The following SERPINI1 variants were observed in gnomAD, a reference collection of about 807,000 sequenced individuals.
SERPINI1 encodes serpin family I member 1, also known as neuroserpin.
In SERPINI1, 19 loss-of-function variants were observed where a neutral mutation model predicts 41.1. The ratio of observed to expected loss-of-function variants is 0.46; its 90% CI spans 0.32 to 0.68. The LOEUF is 0.68. Ranked by LOEUF, SERPINI1 falls within the 30% of genes least tolerant of loss-of-function variation. The pLI is 0.03. For synonymous variants in SERPINI1, 138 were observed against 156.6 expected (o/e 0.88, Z 0.89); for missense variants, 460 against 479.2 (o/e 0.96, Z 0.37).
At chr3:167,761,525 A>G (rs1385055603) in intron 1 of SERPINI1, among the ~76,000 whole-genome samples, 1 of 152,204 alleles carries the variant, frequency 6.6e-6, no homozygotes, top group Admixed American at 6.5e-5. Context: ...CCCACCCTCC[A>G]ACCATTGTAT....
chr3:167,815,681 T>A (rs1712056626), intron 6 of SERPINI1, among the ~76,000 whole-genome samples: 1 of 152,158 alleles, frequency 6.6e-6, no homozygotes, highest in Non-Finnish European at 1.5e-5. Flanking sequence ...TGAGCCACTA[T>A]GCCCGGCCTT....
chr3:167,752,175 T>C (rs2420036), intron 1 of SERPINI1, among the ~76,000 whole-genome samples: 32,244 of 152,010 alleles, frequency 0.21, 3,586 homozygotes, highest in African/African-American at 0.25. Context: ...GCACCTCTTC[T>C]CCACACTCCC....
chr3:167,774,625 C>T (rs975129868), intron 1 of SERPINI1, among the ~76,000 whole-genome samples: 2 of 152,156 alleles, frequency 1.3e-5, no homozygotes, highest in African/African-American at 4.8e-5. Context: ...GCTCCACCTC[C>T]TGTCAGACCA....
At position 167,794,781 on chromosome 3, in the gene SERPINI1, G is replaced by T. The variant is rs55872908; in HGVS notation, c.838G>T (p.Ala280Ser). 1.7e-5 allele frequency: 27 copies of T among 1,613,558 alleles called. No homozygotes were observed. The highest frequency in any genetic ancestry group is 2.3e-5 in the Non-Finnish European group (27 of 1,179,796). ...LVKAQLVEEWANSVKKQKVEV... is the reference protein window; with the variant it reads ...LVKAQLVEEWSNSVKKQKVEV... ...CAAAGCACAGCTGGTTGAAGAATGG[G>T]CAAACTCTGTGAAGAAGCAAAAAGT... The change falls in exon 5 of 9, where the codon GCA becomes TCA. Residue 280 changes from alanine (A) to serine (S), a missense_variant. By Grantham distance (99) the Ala-to-Ser change is moderately conservative. Transcript: ENST00000446050.
In SERPINI1 at chr3:167,778,546, A is replaced by G. The variant is rs529744593; in HGVS notation, c.-18-10565A>G. On this transcript the variant is annotated intron_variant, in intron 1 of 8. Coordinates refer to ENST00000446050, the MANE Select transcript of SERPINI1 (RefSeq NM_001122752.2). Reference sequence around the variant, plus strand: ...CCAGTTGGGTCCGTTCGTTTGTGTGAATCACTGATCTGGGTGGCATCAGTT... The same window carrying G: ...CCAGTTGGGTCCGTTCGTTTGTGTGGATCACTGATCTGGGTGGCATCAGTT... 7.2e-5 allele frequency among the ~76,000 whole-genome samples: 11 copies of G among 152,336 alleles called. No individual in the cohort carries two copies. The South Asian group carries it at 2.3e-3, about 32-fold the overall frequency.
At chr3:167,742,488 C>G (rs1725711321) in intron 1 of SERPINI1, among the ~76,000 whole-genome samples, 1 of 152,182 alleles carries the variant, frequency 6.6e-6, no homozygotes, top group East Asian at 1.9e-4. Context: ...CTCTGTTGAT[C>G]CAGATATCAC....
chr3:167,778,841 G>T (rs946356961), intron 1 of SERPINI1, among the ~76,000 whole-genome samples: 1 of 152,212 alleles, frequency 6.6e-6, no homozygotes, highest in African/African-American at 2.4e-5. Context: ...TTGCTTTAAA[G>T]TTAAGCCATA....
chr3:167,749,697 T>C (rs1335386602), intron 1 of SERPINI1, among the ~76,000 whole-genome samples: 3 of 152,216 alleles, frequency 2.0e-5, no homozygotes, highest in African/African-American at 4.8e-5. Flanking sequence ...GCCAAATTCC[T>C]TGCTGTGAAA....
chr3:167,746,105 G>A (rs1032761798), intron 1 of SERPINI1, among the ~76,000 whole-genome samples: 1 of 152,092 alleles, frequency 6.6e-6, no homozygotes, highest in East Asian at 1.9e-4. Context: ...TGTGTCAGTG[G>A]AACAGAATTC....
At position 167,748,752 on chromosome 3, in the gene SERPINI1, CTGTGTGTGTGTGTGTG is replaced by C. The variant is rs34438429; in HGVS notation, c.-19+12955_-19+12970del. 1.1e-3 allele frequency among the ~76,000 whole-genome samples: 154 copies of C among 143,636 alleles called. 1 individual carries two copies. The highest frequency in any genetic ancestry group is 3.5e-3 in the Middle Eastern group (1 of 284). The allele number at this position is 143,636 out of a possible 152,430, so 94.2% of individuals were successfully genotyped here. A position where few individuals can be genotyped will look rare whatever the true frequency, so the allele number is the denominator to read the frequency against. On this transcript the variant is annotated intron_variant, in intron 1 of 8. Coordinates refer to ENST00000446050, the MANE Select transcript of SERPINI1 (RefSeq NM_001122752.2). ...CACAGGTAAGACAGAGTGTGTTACT[CTGTGTGTGTGTGTGTG>C]TGTGTGTGTGTGTGTGTGTGTGTGT...
Position 167,823,280 on chromosome 3 carries a change from C to T in SERPINI1, c.1066+208C>T, listed in dbSNP as rs115107846. Among the ~76,000 whole-genome samples, 331 of 152,294 alleles carry T rather than the reference C, an allele frequency of 2.2e-3. 1 individual carries two copies. The highest frequency in any genetic ancestry group is 7.5e-3 in the African/African-American group (310 of 41,558). On this transcript the variant is annotated intron_variant, in intron 7 of 8. Transcript: ENST00000446050. The stretch of plus-strand genomic sequence containing the variant: ...GTGCCCCTTTACAGATAACTCTCAT[C>T]TTCATTTTCTCTCTAATGAGAGACA...
At chr3:167,770,915 A>G (rs951179100) in intron 1 of SERPINI1, among the ~76,000 whole-genome samples, 2 of 152,194 alleles carry the variant, frequency 1.3e-5, no homozygotes, top group African/African-American at 4.8e-5. Flanking sequence ...TTGCTGATGT[A>G]CCCTCATGGT....
intron 5 of SERPINI1, among the ~76,000 whole-genome samples, chr3:167,796,069 TTAA>T (rs1179428269): frequency 6.6e-6 from 1 of 152,136 alleles, no homozygotes; most frequent in Non-Finnish European, 1.5e-5. Flanking sequence ...AGATGAATTA[TTAA>T]TAACTGATTA....
intron 6 of SERPINI1, among the ~76,000 whole-genome samples, chr3:167,808,924 T>A (rs1711759923): frequency 6.6e-6 from 1 of 152,186 alleles, no homozygotes; most frequent in Non-Finnish European, 1.5e-5. Context: ...AACGTGTTGT[T>A]TTCTAAACAG....
intron 6 of SERPINI1, among the ~76,000 whole-genome samples, chr3:167,817,929 G>A (rs1486634635): frequency 6.6e-6 from 1 of 151,972 alleles, no homozygotes; most frequent in Non-Finnish European, 1.5e-5. Context: ...TTCTATAAAA[G>A]AGTCTAGCTC....
At chr3:167,779,284 C>T (rs939120907) in intron 1 of SERPINI1, among the ~76,000 whole-genome samples, 1 of 152,060 alleles carries the variant, frequency 6.6e-6, no homozygotes, top group Non-Finnish European at 1.5e-5. Context: ...AAAACGAACA[C>T]ATATCAAAGT....
intron 1 of SERPINI1, among the ~76,000 whole-genome samples, chr3:167,781,341 G>A (rs540960815): frequency 1.5e-4 from 23 of 152,070 alleles, no homozygotes; most frequent in South Asian, 8.3e-4. Flanking sequence ...ATTTTTATGA[G>A]TTCAAAAATA....
intron 1 of SERPINI1, among the ~76,000 whole-genome samples, chr3:167,756,060 C>G (rs1467059089): frequency 6.6e-6 from 1 of 151,934 alleles, no homozygotes; most frequent in Non-Finnish European, 1.5e-5. Flanking sequence ...ACCCCTGCCC[C>G]CAACCCCAGA....
chr3:167,746,654 A>G (rs1056146866), intron 1 of SERPINI1, among the ~76,000 whole-genome samples: 2 of 152,224 alleles, frequency 1.3e-5, no homozygotes, highest in African/African-American at 4.8e-5. Context: ...ATGAATAAAT[A>G]CAGAGCATTA....
Sources: allele counts gnomAD v4.1 joint callset (sites outside exome capture counted in the v4.1 genomes callset), GRCh38; gene constraint gnomAD v4.1.1; transcripts MANE v1.5; gene names NCBI Gene and HGNC (gene_info 2026-07-23, HGNC 2026-07-21).